The following PCDH15 variants were observed in gnomAD, a reference collection of about 807,000 sequenced individuals.
PCDH15 encodes protocadherin related 15.
Under a neutral mutation model 178.5 loss-of-function variants are expected in PCDH15, and 129 were observed. The observed-to-expected ratio is 0.72, with a 90% CI of 0.63 to 0.84. The LOEUF (loss-of-function observed/expected upper bound fraction) is 0.84. PCDH15 is among the 40% of genes least tolerant of loss of function. The probability of loss-of-function intolerance (pLI) is 0.00; values close to 1 mark genes in which losing one functional copy is unlikely to be tolerated. For missense variants in PCDH15, 2,230 were observed against 2,099.9 expected (o/e 1.06, Z -1.21); for synonymous variants, 800 against 732.0 (o/e 1.09, Z -1.50).
chr10:55,536,374 C>T lies in PCDH15; in HGVS notation c.-156+91251G>A, dbSNP rs376858901. On this transcript the variant is annotated intron_variant, in intron 2 of 5. Transcript: ENST00000613346. ...GATCCTATTGAACAGTTCTAATCTG[C>T]TTAGTTTGCACTGCTGTACCTCAAA... Among the ~76,000 whole-genome samples the T allele has an allele frequency of 9.2e-5, 14 of 152,172 alleles. No individual in the cohort carries two copies. In the South Asian group the frequency reaches 2.3e-3, roughly 25 times the overall value.
chr10:55,433,046 CAAAA>C, intron 2 of PCDH15, among the ~76,000 whole-genome samples: 1 of 59,968 alleles, frequency 1.7e-5, no homozygotes, highest in Non-Finnish European at 2.5e-5. Flanking sequence ...CAAAACAAAA[CAAAA>C]CAAAACAAAA....
intron 2 of PCDH15, among the ~76,000 whole-genome samples, chr10:55,013,788 A>G (rs1922148): frequency 0.53 from 80,187 of 151,946 alleles, 22,211 homozygotes; most frequent in East Asian, 0.75. Flanking sequence ...ATAAAATAGC[A>G]CTTGGCCCCA....
intron 23 of PCDH15, among the ~76,000 whole-genome samples, chr10:53,954,981 A>T (rs1360729428): frequency 6.6e-6 from 1 of 152,228 alleles, no homozygotes; most frequent in Non-Finnish European, 1.5e-5. Flanking sequence ...CACATGTTTA[A>T]TGTGCTAGGT....
chr10:55,396,178 G>T (rs934388542), intron 2 of PCDH15, among the ~76,000 whole-genome samples: 1 of 151,998 alleles, frequency 6.6e-6, no homozygotes, highest in Non-Finnish European at 1.5e-5. Context: ...ATATATCTTT[G>T]CATCAGTGGA....
Position 54,183,694 on chromosome 10 carries a change from CA to C in PCDH15, c.1441-102del, listed in dbSNP as rs371725848. ...AACAAGTTTCTTACAGGTAATCTTA[CA>C]ATTTGAAAGGGTGCAAAAATATTTT... On this transcript the variant is annotated intron_variant, in intron 12 of 37. Transcript: ENST00000644397. The C allele has an allele frequency of 8.3e-4, 1,165 of 1,400,550 alleles. 11 individuals carry two copies. The African/African-American group carries it at 0.014, about 16-fold the overall frequency. 86.8% of individuals were successfully genotyped at this position (1,400,550 alleles called of 1,614,324 possible). A position where few individuals can be genotyped will look rare whatever the true frequency, so the allele number is the denominator to read the frequency against.
intron 2 of PCDH15, among the ~76,000 whole-genome samples, chr10:55,350,228 C>T (rs952059483): frequency 4.1e-5 from 3 of 73,472 alleles, no homozygotes; most frequent in African/African-American, 4.3e-5. Context: ...TATATAAACT[C>T]ATATATATAT....
At chr10:54,062,231 AAAAAAAAAAAAAAAAAAAAAACAAAAAAC>A (rs1433787812) in intron 18 of PCDH15, among the ~76,000 whole-genome samples, 2 of 83,768 alleles carry the variant, frequency 2.4e-5, no homozygotes, top group Non-Finnish European at 5.8e-5. Context: ...CTGTCTCAAA[AAAAAAAAAAAAAAAAAAAAAACAAAAAAC>A]AACTAAATGA....
chr10:55,071,396 A>G (rs1345316050), intron 2 of PCDH15, among the ~76,000 whole-genome samples: 1 of 152,160 alleles, frequency 6.6e-6, no homozygotes, highest in African/African-American at 2.4e-5. Flanking sequence ...AAAAGGATGG[A>G]GGAAGATCTA....
At chr10:53,841,636 T>G (rs1418994355) in intron 28 of PCDH15, among the ~76,000 whole-genome samples, 2 of 152,218 alleles carry the variant, frequency 1.3e-5, no homozygotes, top group African/African-American at 4.8e-5. Flanking sequence ...TTTAAATGTT[T>G]GTAACCCAGT....
chr10:54,641,779 C>T (rs1202758646), intron 2 of PCDH15, among the ~76,000 whole-genome samples: 1 of 152,108 alleles, frequency 6.6e-6, no homozygotes, highest in Non-Finnish European at 1.5e-5. Flanking sequence ...TTACACAAAT[C>T]CACTCTCTTC....
intron 3 of PCDH15, among the ~76,000 whole-genome samples, chr10:54,855,960 A>T (rs1474062734): frequency 6.6e-6 from 1 of 152,200 alleles, no homozygotes; most frequent in Non-Finnish European, 1.5e-5. Flanking sequence ...ATTCCTTCCT[A>T]CAAAGAGGGT....
chr10:54,800,165 C>T (rs1225132558), intron 1 of PCDH15, among the ~76,000 whole-genome samples: 1 of 152,108 alleles, frequency 6.6e-6, no homozygotes. Context: ...ACTAGAGACA[C>T]AGAGTATCAA....
At chr10:54,701,508 G>A (rs369938510) in intron 1 of PCDH15, among the ~76,000 whole-genome samples, 1 of 151,980 alleles carries the variant, frequency 6.6e-6, no homozygotes, top group East Asian at 1.9e-4. Flanking sequence ...GCATAGAGTG[G>A]CATGCTGAAT....
At chr10:55,347,214 T>C (rs2131962211) in intron 2 of PCDH15, among the ~76,000 whole-genome samples, 1 of 151,696 alleles carries the variant, frequency 6.6e-6, no homozygotes, top group Admixed American at 6.6e-5. Context: ...GACTGGCAAA[T>C]AAAAAATAAA....
chr10:54,227,214 T>C (rs994088999), intron 9 of PCDH15, among the ~76,000 whole-genome samples: 1 of 152,210 alleles, frequency 6.6e-6, no homozygotes, highest in African/African-American at 2.4e-5. Flanking sequence ...ATGAGATCCC[T>C]GCCCCTGAAG....
chr10:53,866,889 AT>A (rs1564640693), intron 26 of PCDH15, 32 bp from the exon 27 acceptor site: 3 of 1,453,352 alleles, frequency 2.1e-6, no homozygotes, highest in Non-Finnish European at 9.7e-7. Flanking sequence ...AGAGATTATA[AT>A]TAAGCAGGAA....
chr10:53,844,696 A>G (rs2077863473), intron 28 of PCDH15, among the ~76,000 whole-genome samples: 1 of 151,974 alleles, frequency 6.6e-6, no homozygotes, highest in African/African-American at 2.4e-5. Context: ...ATAAAAATAG[A>G]TTCCCATCTT....
intron 2 of PCDH15, among the ~76,000 whole-genome samples, chr10:55,582,629 T>TATATATATA (rs1491243304): frequency 2.5e-4 from 16 of 64,762 alleles, no homozygotes; most frequent in African/African-American, 1.0e-3. Context: ...TATATATATA[T>TATATATATA]TTTTTTTTTT....
At chr10:53,933,238 C>T (rs988482038) in intron 25 of PCDH15, among the ~76,000 whole-genome samples, 132 of 151,714 alleles carry the variant, frequency 8.7e-4, no homozygotes, top group African/African-American at 3.2e-3. Context: ...GTTTGTTACA[C>T]ATGTATACAT....
Sources: gnomAD v4.1 joint callset for allele counts (sites outside exome capture counted in the v4.1 genomes callset) on GRCh38, gnomAD v4.1.1 for gene constraint, MANE v1.5 for transcripts, NCBI Gene and HGNC (gene_info 2026-07-23, HGNC 2026-07-21) for gene names.